Variants in RMC1 observed in about 807,000 individuals in gnomAD.
RMC1 encodes regulator of MON1-CCZ1.
A neutral mutation model predicts 95.5 loss-of-function variants in RMC1; 44 were observed. That is an observed-to-expected ratio of 0.46 (90% confidence interval 0.36 to 0.59). The LOEUF (loss-of-function observed/expected upper bound fraction) is 0.59. RMC1 is among the 20% of genes least tolerant of loss of function. The probability of loss-of-function intolerance (pLI) is 0.00; values close to 1 mark genes in which losing one functional copy is unlikely to be tolerated. For missense variants in RMC1, 705 were observed against 819.6 expected, an observed-to-expected ratio of 0.86 and a Z score of 1.71; for synonymous variants, 320 against 303.6, an observed-to-expected ratio of 1.05 and a Z score of -0.56.
At chr18:23,506,624 G>C (rs1315395066) in intron 2 of RMC1, 6 of 260,602 alleles carry the variant, frequency 2.3e-5, no homozygotes, top group Non-Finnish European at 4.5e-5. Flanking sequence ...CAAGTAGATA[G>C]TTCTTTCCAG....
chr18:23,529,097 A>G lies in RMC1; in HGVS notation c.1297-82A>G, dbSNP rs111240029. 4 of 1,539,482 alleles carry G rather than the reference A, an allele frequency of 2.6e-6. No homozygotes were observed. In the African/African-American group the frequency reaches 4.1e-5, roughly 16 times the overall value. On this transcript the variant is annotated intron_variant, in intron 14 of 19. Coordinates refer to ENST00000269221, the MANE Select transcript of RMC1 (RefSeq NM_013326.5). ...TCATATCCTGGGTCCACATCGAAGA[A>G]TTCAGTCCTTGTGGATGAACTGTAA...
intron 7 of RMC1, among the ~76,000 whole-genome samples, chr18:23,517,324 AT>A (rs1417215656): frequency 6.6e-6 from 1 of 151,522 alleles, no homozygotes; most frequent in South Asian, 2.1e-4. Context: ...TAATTTTTGT[AT>A]TTTTAGTAGA....
At position 23,530,511 on chromosome 18, in the gene RMC1, A is replaced by G. The variant is rs1177751350; in HGVS notation, c.1793A>G (p.Asp598Gly). 1 of 1,614,256 alleles carries G rather than the reference A, an allele frequency of 6.2e-7. No individual in the cohort carries two copies. Among genetic ancestry groups the G allele is most frequent in the Non-Finnish European group, 8.5e-7 (1 of 1,180,046 alleles). ...AACATTTCTGCACGAAAATTTTTAGATGCTGCAAAGCAGACTGAAGACAAC... is the reference window on the plus strand; with the variant it reads ...AACATTTCTGCACGAAAATTTTTAGGTGCTGCAAAGCAGACTGAAGACAAC... ...HDNISARKFLDAAKQTEDNML... is the reference protein window; with the variant it reads ...HDNISARKFLGAAKQTEDNML... Residue 598 changes from aspartate to glycine, a missense_variant, in exon 19 of 20, where the codon GAT becomes GGT. Transcript: ENST00000269221.
chr18:23,516,541 TCC>T, intron 7 of RMC1, 118 bp downstream of exon 7: 1 of 993,158 alleles, frequency 1.0e-6, no homozygotes, highest in Non-Finnish European at 1.5e-6. Flanking sequence ...TAAGGAGGAC[TCC>T]CCTTGTTCTG....
chr18:23,516,545 C>A, intron 7 of RMC1, 122 bp downstream of exon 7: 1 of 964,028 alleles, frequency 1.0e-6, no homozygotes, highest in Non-Finnish European at 1.6e-6. Context: ...GAGGACTCCC[C>A]TTGTTCTGGG....
In RMC1 at chr18:23,510,156, C is replaced by T. The variant is rs538465435; in HGVS notation, c.408+877C>T. ...AGGCCAACATGATGAAATCCCATCTCTATAAAAAATACAAAATGTTAGTCA... is the reference window on the plus strand; with the variant it reads ...AGGCCAACATGATGAAATCCCATCTTTATAAAAAATACAAAATGTTAGTCA... On this transcript the variant is annotated intron_variant, in intron 5 of 19. Coordinates refer to ENST00000269221, the MANE Select transcript of RMC1 (RefSeq NM_013326.5). Among the ~76,000 whole-genome samples, 4 of 151,792 alleles carry T rather than the reference C, an allele frequency of 2.6e-5. No individual in the cohort carries two copies. In the South Asian group the frequency reaches 8.3e-4, roughly 32 times the overall value.
chr18:23,511,718 A>G (rs2057863438), intron 5 of RMC1, among the ~76,000 whole-genome samples: 2 of 151,328 alleles, frequency 1.3e-5, no homozygotes, highest in South Asian at 2.1e-4. Context: ...ACTGGGTAGT[A>G]TTCCACTGTA....
intron 7 of RMC1, among the ~76,000 whole-genome samples, chr18:23,517,244 G>A (rs1281613623): frequency 6.6e-6 from 1 of 151,812 alleles, no homozygotes; most frequent in African/African-American, 2.4e-5. Context: ...CCGCCTCCCA[G>A]GTTCAAGCGA....
rs1788818 is a variant in RMC1 at position 23,517,697 on chromosome 18, G to A, written c.654-1193G>A. 3.4e-3 allele frequency among the ~76,000 whole-genome samples: 512 copies of A among 150,910 alleles called. 4 individuals carry two copies. Among genetic ancestry groups the A allele is most frequent in the African/African-American group, 0.012 (487 of 41,090 alleles). On this transcript the variant is annotated intron_variant, in intron 7 of 19. Coordinates refer to ENST00000269221, the MANE Select transcript of RMC1 (RefSeq NM_013326.5). Reference sequence around the variant, plus strand: ...ATTTCTTCTTCCTTTTTTTTTAAACGTACTCTTCTGTGGCATTCCTGTTTA... The same window carrying A: ...ATTTCTTCTTCCTTTTTTTTTAAACATACTCTTCTGTGGCATTCCTGTTTA...
chr18:23,520,681 G>C (rs920268877), intron 10 of RMC1, among the ~76,000 whole-genome samples: 1 of 151,624 alleles, frequency 6.6e-6, no homozygotes, highest in Non-Finnish European at 1.5e-5. Context: ...TGTTGCCCAG[G>C]CTGGAGTGCA....
chr18:23,518,360 C>A (rs2058063042), intron 7 of RMC1, among the ~76,000 whole-genome samples: 1 of 152,068 alleles, frequency 6.6e-6, no homozygotes, highest in Non-Finnish European at 1.5e-5. Context: ...GGCACGGTGG[C>A]ACGTGCATGT....
At chr18:23,516,872 T>C (rs2058022350) in intron 7 of RMC1, among the ~76,000 whole-genome samples, 1 of 151,344 alleles carries the variant, frequency 6.6e-6, no homozygotes, top group Non-Finnish European at 1.5e-5. Flanking sequence ...ATTACAAGTG[T>C]GCGTCACCTC....
chr18:23,524,760 G>A (rs2058243977), intron 12 of RMC1, among the ~76,000 whole-genome samples: 1 of 151,752 alleles, frequency 6.6e-6, no homozygotes, highest in Non-Finnish European at 1.5e-5. Context: ...AGGGTGGATG[G>A]AAAGCCGGAC....
intron 5 of RMC1, among the ~76,000 whole-genome samples, chr18:23,514,954 G>GA (rs1236762675): frequency 6.6e-6 from 1 of 152,114 alleles, no homozygotes; most frequent in Non-Finnish European, 1.5e-5. Context: ...AGGGTACATT[G>GA]AAAATGTGCC....
At chr18:23,506,011 AC>A (rs1462012360) in intron 2 of RMC1, among the ~76,000 whole-genome samples, 18 of 152,068 alleles carry the variant, frequency 1.2e-4, no homozygotes, top group Non-Finnish European at 1.9e-4. Context: ...TACTAAAAAT[AC>A]AAAAATTAGC....
At position 23,515,969 on chromosome 18, in the gene RMC1, G is replaced by C. The variant is rs746621442; in HGVS notation, c.522G>C (p.Glu174Asp). Residue 174 changes from glutamate (E) to aspartate (D), a missense_variant, in exon 6 of 20, where the codon GAG becomes GAC. Coordinates refer to ENST00000269221, the MANE Select transcript of RMC1 (RefSeq NM_013326.5). ...AVILLSTTVL[E>D]NVLQPFHFRA... ...TCTTGCTGTCTACCACGGTCCTGGA[G>C]AATGTCCTGCAGCCTTTTCACTTTA... The C allele has an allele frequency of 2.2e-5, 36 of 1,613,986 alleles. No individual in the cohort carries two copies. Among genetic ancestry groups the C allele is most frequent in the South Asian group, 9.9e-5 (9 of 91,084 alleles).
intron 4 of RMC1, 125 bp from the exon 5 acceptor site, chr18:23,509,064 GTTAA>G (rs879838268): frequency 5.0e-5 from 18 of 361,114 alleles, no homozygotes; most frequent in Non-Finnish European, 8.5e-5. Flanking sequence ...AATTTGTTTT[GTTAA>G]TTAGTAAACA....
At chr18:23,530,742 G>A (rs1428962062) in intron 19 of RMC1, 130 bp downstream of exon 19, 10 of 773,486 alleles carry the variant, frequency 1.3e-5, no homozygotes, top group Admixed American at 8.6e-5. Flanking sequence ...AGCCCACCTA[G>A]CCCTTGGCCC....
intron 5 of RMC1, among the ~76,000 whole-genome samples, chr18:23,514,829 C>T (rs573461586): frequency 1.1e-4 from 16 of 152,268 alleles, no homozygotes; most frequent in African/African-American, 3.9e-4. Flanking sequence ...TATTATAGTT[C>T]TTAAGAAGCT....
Sources: gnomAD v4.1 joint callset for allele counts (sites outside exome capture counted in the v4.1 genomes callset) on GRCh38, gnomAD v4.1.1 for gene constraint, MANE v1.5 for transcripts, NCBI Gene and HGNC (gene_info 2026-07-23, HGNC 2026-07-21) for gene names.